Variants in DTNB observed in about 807,000 individuals in gnomAD.
The protein encoded by DTNB is dystrobrevin beta.
A neutral mutation model predicts 90.7 loss-of-function variants in DTNB; 63 were observed. That is an observed-to-expected ratio of 0.69 (90% CI 0.57 to 0.86). The LOEUF is 0.86. Ranked by LOEUF, DTNB falls within the 40% of genes least tolerant of loss-of-function variation. The pLI, the probability that DTNB is intolerant of heterozygous loss-of-function variation, is 0.00. For synonymous variants in DTNB, 277 were observed against 286.7 expected (o/e 0.97, Z 0.34); for missense variants, 744 against 807.1 (o/e 0.92, Z 0.95).
intron 20 of DTNB, among the ~76,000 whole-genome samples, chr2:25,378,921 G>T (rs1279530911): frequency 6.6e-6 from 1 of 152,216 alleles, no homozygotes; most frequent in Non-Finnish European, 1.5e-5. Flanking sequence ...TCCCAGGAAG[G>T]AAGTGGGCAG....
In DTNB at chr2:25,535,305, G is replaced by C. The variant is rs190642365; in HGVS notation, c.877-3708C>G. ...GGCGCTCCTCACTTCCCAGACGGGG[G>C]TGGCCAGGCAGAGGTGCTCCTCACC... On this transcript the variant is annotated intron_variant, in intron 8 of 20. Coordinates refer to ENST00000406818, the MANE Select transcript of DTNB (RefSeq NM_021907.5). 7.2e-3 allele frequency among the ~76,000 whole-genome samples: 1,019 copies of C among 140,974 alleles called. 19 individuals carry two copies. Among genetic ancestry groups the C allele is most frequent in the African/African-American group, 0.026 (971 of 37,328 alleles). The allele number at this position is 140,974 out of a possible 152,430, so 92.5% of individuals were successfully genotyped here. A position where few individuals can be genotyped will look rare whatever the true frequency, so the allele number is the denominator to read the frequency against.
intron 8 of DTNB, among the ~76,000 whole-genome samples, chr2:25,546,597 G>A (rs566792489): frequency 1.3e-5 from 2 of 152,268 alleles, no homozygotes; most frequent in Admixed American, 6.5e-5. Flanking sequence ...CCTAACCTCT[G>A]GGGCTAAATC....
At chr2:25,554,309 A>T (rs1237457947) in intron 8 of DTNB, among the ~76,000 whole-genome samples, 2 of 152,252 alleles carry the variant, frequency 1.3e-5, no homozygotes, top group Non-Finnish European at 2.9e-5. Flanking sequence ...TCTATTAAAC[A>T]TTAGTTTAAT....
intron 12 of DTNB, among the ~76,000 whole-genome samples, chr2:25,446,844 T>TC (rs2058506483): frequency 6.6e-6 from 1 of 152,258 alleles, no homozygotes; most frequent in African/African-American, 2.4e-5. Context: ...AATTCTATTT[T>TC]CTTTTTTGGA....
intron 8 of DTNB, among the ~76,000 whole-genome samples, chr2:25,561,127 G>GAACCTAT (rs1293863623): frequency 1.3e-5 from 2 of 152,096 alleles, no homozygotes; most frequent in African/African-American, 4.8e-5. Flanking sequence ...TCAACCCACT[G>GAACCTAT]AACCTATACT....
chr2:25,523,736 A>G (rs538870928), intron 9 of DTNB, among the ~76,000 whole-genome samples: 198 of 151,134 alleles, frequency 1.3e-3, no homozygotes, highest in African/African-American at 4.4e-3. Context: ...TTGAATTTTT[A>G]GTTTGCTTTC....
At chr2:25,394,065 A>G (rs1420216929) in intron 16 of DTNB, among the ~76,000 whole-genome samples, 1 of 152,248 alleles carries the variant, frequency 6.6e-6, no homozygotes, top group East Asian at 1.9e-4. Context: ...CCAATGGAAC[A>G]CAATAGGGAA....
chr2:25,501,860 T>G (rs1291764637), intron 9 of DTNB, among the ~76,000 whole-genome samples: 1 of 151,968 alleles, frequency 6.6e-6, no homozygotes, highest in East Asian at 1.9e-4. Flanking sequence ...TACAGACAGG[T>G]TATAGTAAAA....
intron 20 of DTNB, 97 bp from the exon 21 acceptor site, chr2:25,377,650 G>A (rs1008318744): frequency 1.3e-5 from 2 of 152,554 alleles, no homozygotes; most frequent in Non-Finnish European, 2.9e-5. Context: ...CTGCAGGGAG[G>A]GGCTGCTAGG....
intron 10 of DTNB, among the ~76,000 whole-genome samples, chr2:25,471,860 T>C (rs2062873353): frequency 6.7e-6 from 1 of 149,982 alleles, no homozygotes; most frequent in Admixed American, 6.7e-5. Context: ...TTGGGTTTAA[T>C]GTACATAAAA....
chr2:25,468,171 C>T (rs2062135597), intron 10 of DTNB, among the ~76,000 whole-genome samples: 1 of 152,124 alleles, frequency 6.6e-6, no homozygotes, highest in Non-Finnish European at 1.5e-5. Context: ...AAGTGGCTCT[C>T]GAACCCTACT....
chr2:25,586,562 A>G (rs1357824719), intron 6 of DTNB, among the ~76,000 whole-genome samples: 1 of 151,846 alleles, frequency 6.6e-6, no homozygotes, highest in Non-Finnish European at 1.5e-5. Context: ...TCCAGGAAAT[A>G]GTATCGATCG....
chr2:25,547,544 G>C (rs550807186), intron 8 of DTNB, among the ~76,000 whole-genome samples: 193 of 152,052 alleles, frequency 1.3e-3, no homozygotes, highest in African/African-American at 4.6e-3. Flanking sequence ...AGCTGGTCTT[G>C]AACTCCTGAC....
intron 9 of DTNB, among the ~76,000 whole-genome samples, chr2:25,519,293 G>C (rs1052849991): frequency 6.6e-6 from 1 of 151,154 alleles, no homozygotes; most frequent in Non-Finnish European, 1.5e-5. Flanking sequence ...GAGCCCAGGA[G>C]TTTTGAGGTT....
intron 3 of DTNB, among the ~76,000 whole-genome samples, chr2:25,637,905 C>T (rs1367061377): frequency 1.3e-5 from 2 of 152,164 alleles, no homozygotes; most frequent in East Asian, 3.8e-4. Context: ...AAGACACATG[C>T]ACACGTATGT....
At chr2:25,505,394 G>A (rs1488110683) in intron 9 of DTNB, among the ~76,000 whole-genome samples, 1 of 152,092 alleles carries the variant, frequency 6.6e-6, no homozygotes, top group Non-Finnish European at 1.5e-5. Flanking sequence ...CGTGTTAGAA[G>A]GAGTCATCAA....
intron 9 of DTNB, among the ~76,000 whole-genome samples, chr2:25,525,550 C>T (rs2076932974): frequency 1.3e-5 from 2 of 151,868 alleles, no homozygotes; most frequent in South Asian, 2.1e-4. Context: ...GCAGGAGAAT[C>T]GCTTGAACCC....
chr2:25,546,225 C>T (rs534477812), intron 8 of DTNB, among the ~76,000 whole-genome samples: 1 of 152,318 alleles, frequency 6.6e-6, no homozygotes, highest in East Asian at 1.9e-4. Flanking sequence ...AGGGTGGGAA[C>T]CTGGACAGGA....
intron 6 of DTNB, among the ~76,000 whole-genome samples, chr2:25,590,406 G>A (rs918300581): frequency 1.8e-4 from 27 of 152,164 alleles, no homozygotes; most frequent in Non-Finnish European, 3.5e-4. Context: ...GAACAGTTCG[G>A]AGGAGACTCG....
Sources: gnomAD v4.1 joint callset for allele counts (sites outside exome capture counted in the v4.1 genomes callset) on GRCh38, gnomAD v4.1.1 for gene constraint, MANE v1.5 for transcripts, NCBI Gene and HGNC (gene_info 2026-07-23, HGNC 2026-07-21) for gene names.